SLAMF6: variants seen among roughly 807,000 people sequenced by gnomAD.
The protein encoded by SLAMF6 is NK-T-B-antigen.
A neutral mutation model predicts 38.3 loss-of-function variants in SLAMF6; 21 were observed. The observed-to-expected ratio is 0.55, with a 90% CI of 0.39 to 0.79. SLAMF6 has a LOEUF of 0.79. Among genes scored for constraint, SLAMF6 ranks in the 30% least tolerant of loss-of-function variants. SLAMF6 has a pLI of 0.00. For missense variants in SLAMF6, 341 were observed against 385.3 expected (o/e 0.89, Z 0.96); for synonymous variants, 152 against 146.3 (o/e 1.04, Z -0.28).
intron 5 of SLAMF6, 122 bp downstream of exon 5, chr1:160,490,076 C>A: frequency 8.8e-7 from 1 of 1,136,036 alleles, no homozygotes; most frequent in South Asian, 1.2e-5. Context: ...AGCATGTGGT[C>A]TGAGTAATGA....
intron 1 of SLAMF6, among the ~76,000 whole-genome samples, chr1:160,516,542 C>T (rs867671920): frequency 6.6e-6 from 1 of 152,056 alleles, no homozygotes; most frequent in African/African-American, 2.4e-5. Context: ...GCTCATATAG[C>T]CAAGACAATC....
At chr1:160,518,693 T>G (rs1404476590) in intron 1 of SLAMF6, among the ~76,000 whole-genome samples, 1 of 152,070 alleles carries the variant, frequency 6.6e-6, no homozygotes, top group African/African-American at 2.4e-5. Context: ...ACACCGCATG[T>G]TCTTTAAGTG....
At chr1:160,507,374 C>T (rs1654243218) in intron 1 of SLAMF6, among the ~76,000 whole-genome samples, 1 of 151,974 alleles carries the variant, frequency 6.6e-6, no homozygotes, top group African/African-American at 2.4e-5. Context: ...CAAACAACAG[C>T]CCCAAAATAT....
intron 5 of SLAMF6, 45 bp downstream of exon 5, chr1:160,490,153 T>C (rs958232489): frequency 1.2e-6 from 2 of 1,606,790 alleles, no homozygotes; most frequent in Non-Finnish European, 1.7e-6. Context: ...CATTTGGCTC[T>C]TCCCATCTGC....
intron 1 of SLAMF6, among the ~76,000 whole-genome samples, chr1:160,507,384 T>A (rs978923384): frequency 1.3e-5 from 2 of 152,004 alleles, no homozygotes; most frequent in African/African-American, 4.8e-5. Flanking sequence ...CCCCAAAATA[T>A]ATAAAGCAAA....
intron 2 of SLAMF6, among the ~76,000 whole-genome samples, chr1:160,492,436 C>G (rs1653353620): frequency 6.6e-6 from 1 of 152,052 alleles, no homozygotes; most frequent in African/African-American, 2.4e-5. Context: ...ATTGCTATAT[C>G]CAAGCCTCAG....
chr1:160,487,896 C>A (rs1264549995), intron 6 of SLAMF6, among the ~76,000 whole-genome samples: 1 of 152,070 alleles, frequency 6.6e-6, no homozygotes, highest in Non-Finnish European at 1.5e-5. Context: ...TTGAGACCAG[C>A]CTGGGCAACA....
chr1:160,516,937 G>T (rs1654772528), intron 1 of SLAMF6, among the ~76,000 whole-genome samples: 1 of 152,124 alleles, frequency 6.6e-6, no homozygotes. Flanking sequence ...TGCCATTCAG[G>T]ACATAGGCAT....
chr1:160,489,984 G>A (rs1016216226), intron 5 of SLAMF6, among the ~76,000 whole-genome samples: 3 of 152,092 alleles, frequency 2.0e-5, no homozygotes, highest in Middle Eastern at 3.2e-3. Context: ...ATATCACCAA[G>A]AGAAACTGTG....
chr1:160,502,468 G>T (rs1429253750), intron 1 of SLAMF6, among the ~76,000 whole-genome samples: 1 of 152,036 alleles, frequency 6.6e-6, no homozygotes, highest in Non-Finnish European at 1.5e-5. Context: ...ATGTGTTTTG[G>T]GGAACTCAAA....
chr1:160,487,864 C>T (rs562832235), intron 6 of SLAMF6, among the ~76,000 whole-genome samples: 35 of 152,192 alleles, frequency 2.3e-4, no homozygotes, highest in Non-Finnish European at 4.1e-4. Flanking sequence ...ACGAGGCAGG[C>T]GGATCACTTG....
intron 1 of SLAMF6, among the ~76,000 whole-genome samples, chr1:160,521,249 A>G (rs894468574): frequency 2.6e-5 from 4 of 152,056 alleles, no homozygotes; most frequent in Non-Finnish European, 4.4e-5. Context: ...GCCTCCTGTA[A>G]ACTCATTCAA....
intron 1 of SLAMF6, among the ~76,000 whole-genome samples, chr1:160,501,936 A>T (rs1024526378): frequency 1.3e-5 from 2 of 151,924 alleles, no homozygotes; most frequent in Admixed American, 6.6e-5. Context: ...CAGACCCAAA[A>T]CCAAACCAAA....
At chr1:160,506,745 T>C (rs1654207599) in intron 1 of SLAMF6, among the ~76,000 whole-genome samples, 1 of 152,182 alleles carries the variant, frequency 6.6e-6, no homozygotes, top group African/African-American at 2.4e-5. Context: ...AAGATGTAGT[T>C]TGTTACAACA....
chr1:160,509,672 G>T (rs1187921582), intron 1 of SLAMF6, among the ~76,000 whole-genome samples: 3 of 151,342 alleles, frequency 2.0e-5, no homozygotes, highest in African/African-American at 7.3e-5. Context: ...AAAGAAGGAG[G>T]AAATTTACAC....
At chr1:160,492,358 A>T (rs1306352047) in intron 2 of SLAMF6, among the ~76,000 whole-genome samples, 3 of 152,178 alleles carry the variant, frequency 2.0e-5, no homozygotes, top group Non-Finnish European at 1.5e-5. Context: ...CATGTATGGG[A>T]AAAGTGTTGG....
At chr1:160,495,947 C>T (rs1653552741) in intron 2 of SLAMF6, 114 bp downstream of exon 2, 2 of 948,464 alleles carry the variant, frequency 2.1e-6, no homozygotes, top group African/African-American at 3.3e-5. Flanking sequence ...CTCAATGACT[C>T]CAAATGCCAT....
intron 1 of SLAMF6, among the ~76,000 whole-genome samples, chr1:160,500,737 G>C (rs188197908): frequency 7.2e-5 from 11 of 152,172 alleles, no homozygotes; most frequent in Admixed American, 1.3e-4. Flanking sequence ...CTGGCACATA[G>C]TAAGCATCCC....
At chr1:160,501,091 T>G (rs185413856) in intron 1 of SLAMF6, among the ~76,000 whole-genome samples, 4 of 152,346 alleles carry the variant, frequency 2.6e-5, no homozygotes, top group Admixed American at 1.3e-4. Context: ...TTTATTTATT[T>G]GTTTGTTTGT....
Sources: gnomAD v4.1 joint callset for allele counts (sites outside exome capture counted in the v4.1 genomes callset) on GRCh38, gnomAD v4.1.1 for gene constraint, MANE v1.5 for transcripts, NCBI Gene and HGNC (gene_info 2026-07-23, HGNC 2026-07-21) for gene names.